The following ITGA9 variants were observed in gnomAD, a reference collection of about 807,000 sequenced individuals.
ITGA9 encodes integrin alpha-9.
ITGA9 carries 56 observed loss-of-function variants against 127.8 expected under a neutral mutation model. That is an observed-to-expected ratio of 0.44 (90% CI 0.35 to 0.55). The LOEUF (loss-of-function observed/expected upper bound fraction) is 0.55, where lower values mean the gene tolerates loss of function less well. Among genes scored for constraint, ITGA9 ranks in the 20% least tolerant of loss-of-function variants. The probability of loss-of-function intolerance (pLI) is 0.00; values close to 1 mark genes in which losing one functional copy is unlikely to be tolerated. For missense variants in ITGA9, 1,196 were observed against 1,347.1 expected (o/e 0.89, Z 1.76); for synonymous variants, 508 against 514.5 (o/e 0.99, Z 0.17).
intron 10 of ITGA9, among the ~76,000 whole-genome samples, 170 bp from the exon 11 acceptor site, chr3:37,519,090 T>TTC (rs1699017970): frequency 7.2e-6 from 1 of 138,426 alleles, no homozygotes; most frequent in African/African-American, 3.3e-5. Flanking sequence ...GGCCTACTTT[T>TTC]TTTTTTTTTT....
At chr3:37,779,102 TTTTG>T (rs994375189) in intron 24 of ITGA9, among the ~76,000 whole-genome samples, 1 of 152,082 alleles carries the variant, frequency 6.6e-6, no homozygotes, top group Non-Finnish European at 1.5e-5. Flanking sequence ...GTTTTTGGTT[TTTTG>T]TTTGTTTGTT....
At chr3:37,811,925 G>C (rs570680162) in intron 27 of ITGA9, among the ~76,000 whole-genome samples, 8 of 152,320 alleles carry the variant, frequency 5.3e-5, no homozygotes. Flanking sequence ...TTGGGCTCAT[G>C]GTTTTTATTT....
intron 16 of ITGA9, 100 bp from the exon 17 acceptor site, chr3:37,653,612 CAG>C (rs1294859453): frequency 3.6e-5 from 32 of 894,826 alleles, no homozygotes; most frequent in African/African-American, 9.9e-5. Flanking sequence ...CTGAGGGGCT[CAG>C]GGGAGGAATT....
At chr3:37,709,324 C>A (rs1701051779) in intron 18 of ITGA9, among the ~76,000 whole-genome samples, 1 of 152,150 alleles carries the variant, frequency 6.6e-6, no homozygotes, top group South Asian at 2.1e-4. Context: ...TCTCTCCCAG[C>A]AAAGTAGTAA....
At chr3:37,620,143 C>T (rs544385368) in intron 15 of ITGA9, among the ~76,000 whole-genome samples, 1 of 152,330 alleles carries the variant, frequency 6.6e-6, no homozygotes, top group East Asian at 1.9e-4. Flanking sequence ...TTCCTACCCT[C>T]AAAGGGAGAA....
Position 37,716,501 on chromosome 3 carries a change from C to T in ITGA9, c.2068-16211C>T, listed in dbSNP as rs190635581. On this transcript the variant is annotated intron_variant, in intron 18 of 27. Coordinates refer to ENST00000264741, the MANE Select transcript of ITGA9 (RefSeq NM_002207.3). Reference sequence around the variant, plus strand: ...AAGGTTGCTCAGTCAACAACTTCTGCAGGCTCAAAGCATGGGAAGTAATCA... The same window carrying T: ...AAGGTTGCTCAGTCAACAACTTCTGTAGGCTCAAAGCATGGGAAGTAATCA... 2.6e-4 allele frequency among the ~76,000 whole-genome samples: 39 copies of T among 151,356 alleles called. No homozygotes were observed. The East Asian group carries it at 6.8e-3, about 26-fold the overall frequency.
chr3:37,533,548 G>T (rs267560), intron 14 of ITGA9, 80 bp downstream of exon 14: 2 of 1,455,204 alleles, frequency 1.4e-6, no homozygotes, highest in East Asian at 2.4e-5. Context: ...GTTCCCTGTC[G>T]CTGTTCCTCC....
intron 20 of ITGA9, among the ~76,000 whole-genome samples, chr3:37,739,436 G>A (rs954275646): frequency 2.6e-5 from 4 of 152,212 alleles, no homozygotes; most frequent in African/African-American, 9.7e-5. Context: ...CACACACAGC[G>A]CTTGACTCCC....
chr3:37,546,183 T>C (rs1699324541), intron 15 of ITGA9, among the ~76,000 whole-genome samples: 1 of 152,158 alleles, frequency 6.6e-6, no homozygotes, highest in South Asian at 2.1e-4. Context: ...ATAAATATAT[T>C]GAAGACACAA....
intron 15 of ITGA9, among the ~76,000 whole-genome samples, chr3:37,543,678 A>G (rs1449296925): frequency 6.6e-6 from 1 of 152,170 alleles, no homozygotes; most frequent in Non-Finnish European, 1.5e-5. Flanking sequence ...AAGTCTGCAG[A>G]TTAGAGATGA....
intron 15 of ITGA9, among the ~76,000 whole-genome samples, chr3:37,595,702 T>TTG (rs1699862914): frequency 6.6e-6 from 1 of 152,220 alleles, no homozygotes; most frequent in Admixed American, 6.5e-5. Flanking sequence ...GTGTTTGGGT[T>TTG]TGTAGGCAGG....
intron 20 of ITGA9, among the ~76,000 whole-genome samples, chr3:37,741,425 G>C (rs2125533213): frequency 6.6e-6 from 1 of 152,298 alleles, no homozygotes; most frequent in East Asian, 1.9e-4. Context: ...CGACCCTCCT[G>C]TATGGCATGC....
At chr3:37,522,407 G>C (rs17036550) in intron 11 of ITGA9, among the ~76,000 whole-genome samples, 6,897 of 152,258 alleles carry the variant, frequency 0.045, 438 homozygotes, top group African/African-American at 0.15. Context: ...AGTGCTGCCT[G>C]TGTGGATATG....
intron 18 of ITGA9, among the ~76,000 whole-genome samples, chr3:37,722,152 ACT>A (rs1701197152): frequency 7.7e-6 from 1 of 129,170 alleles, no homozygotes; most frequent in Admixed American, 7.9e-5. Context: ...GACACTCTTC[ACT>A]CTCCCTTCAT....
intron 25 of ITGA9, among the ~76,000 whole-genome samples, chr3:37,784,093 C>T (rs1697009991): frequency 6.6e-6 from 1 of 152,224 alleles, no homozygotes; most frequent in African/African-American, 2.4e-5. Context: ...GCCTGTGGAG[C>T]CCCTCCTGCC....
chr3:37,618,480 C>T (rs1305636143), intron 15 of ITGA9, among the ~76,000 whole-genome samples: 1 of 152,234 alleles, frequency 6.6e-6, no homozygotes, highest in African/African-American at 2.4e-5. Context: ...CCACTACTCT[C>T]TTCAAAGCTG....
Position 37,609,968 on chromosome 3 carries a change from A to G in ITGA9, c.1690-19219A>G, listed in dbSNP as rs555423999. Among the ~76,000 whole-genome samples the G allele has an allele frequency of 5.3e-5, 8 of 152,348 alleles. No individual in the cohort carries two copies. In the South Asian group the frequency reaches 1.7e-3, roughly 32 times the overall value. On this transcript the variant is annotated intron_variant, in intron 15 of 27. Transcript: ENST00000264741. The stretch of plus-strand genomic sequence containing the variant: ...TACTTTACAAGCATCTATGGAAAAT[A>G]CAGTCTGAAGTGAATGCCCAAATGA...
Position 37,749,117 on chromosome 3 carries a change from G to C in ITGA9, c.2434-1345G>C, listed in dbSNP as rs993077301. The C allele has an allele frequency of 1.5e-5, 4 of 261,278 alleles. No individual in the cohort carries two copies. The South Asian group carries it at 2.6e-4, about 17-fold the overall frequency. The allele number at this position is 261,278 out of a possible 1,614,324, so 16.2% of individuals were successfully genotyped here. ...TGGGCCCCGCTGGGCTAAAACCAAA[G>C]TATCAGGGCCTGTGTTCTTGCCAGA... On this transcript the variant is annotated intron_variant, in intron 22 of 27. Transcript: ENST00000264741.
rs974581679 is a variant in ITGA9 at position 37,629,745 on chromosome 3, G to A, written c.1839+409G>A. ...GCAAGAATGGTAGCTTGCTGAATTG[G>A]CAGTTGAGTTACAGAATGCTCAACC... On this transcript the variant is annotated intron_variant, in intron 16 of 27. Transcript: ENST00000264741. This position sits in a 1 kb window ranked among gnomAD's most constrained non-coding sequence, Gnocchi z 4.5. 3.9e-4 allele frequency among the ~76,000 whole-genome samples: 59 copies of A among 152,198 alleles called. No individual in the cohort carries two copies. The highest frequency in any genetic ancestry group is 1.4e-3 in the African/African-American group (59 of 41,462).
Sources: gnomAD v4.1 joint callset for allele counts (sites outside exome capture counted in the v4.1 genomes callset) on GRCh38, gnomAD v4.1.1 for gene constraint, Gnocchi (gnomAD v3.1) non-coding constraint, MANE v1.5 for transcripts, NCBI Gene and HGNC (gene_info 2026-07-23, HGNC 2026-07-21) for gene names.